Variants in ROBO1 observed in about 807,000 individuals in gnomAD.
ROBO1 encodes roundabout homolog 1.
A neutral mutation model predicts 195.9 loss-of-function variants in ROBO1; 149 were observed. That is an observed-to-expected ratio of 0.76 (90% confidence interval 0.67 to 0.87). The LOEUF (loss-of-function observed/expected upper bound fraction) is 0.87. ROBO1 is among the 40% of genes least tolerant of loss of function. The probability of loss-of-function intolerance (pLI) is 0.00; values close to 1 mark genes in which losing one functional copy is unlikely to be tolerated. For synonymous variants in ROBO1, 816 were observed against 733.2 expected, an observed-to-expected ratio of 1.11 and a Z score of -1.82; for missense variants, 1,933 against 2,068.3, an observed-to-expected ratio of 0.93 and a Z score of 1.27.
In ROBO1 at chr3:79,100,218, A is replaced by G. The variant is rs2079650297; in HGVS notation, c.172+25238T>C. On this transcript the variant is annotated intron_variant, in intron 3 of 30. Coordinates refer to ENST00000464233, the MANE Select transcript of ROBO1 (RefSeq NM_002941.4). ...TTTTTAATCTGAAAGTGATGGATAT[A>G]AATTAATGTTTATGAAATGTCTATT... Among the ~76,000 whole-genome samples the G allele has an allele frequency of 3.3e-5, 5 of 151,760 alleles. No individual in the cohort carries two copies. In the Admixed American group the frequency reaches 3.3e-4, roughly 10 times the overall value.
chr3:79,743,307 T>C (rs955253724), intron 1 of ROBO1, among the ~76,000 whole-genome samples: 2 of 152,178 alleles, frequency 1.3e-5, no homozygotes, highest in Admixed American at 1.3e-4. Context: ...TGTTACACAA[T>C]GGTATTTGTG....
chr3:78,693,309 C>T, intron 8 of ROBO1: 1 of 1,549,678 alleles, frequency 6.5e-7, no homozygotes, highest in Admixed American at 2.0e-5. Context: ...GTCACAGTGA[C>T]ACGGTGATGA....
rs1576003817 is a variant in ROBO1 at position 78,714,807 on chromosome 3, A to G, written c.918-283T>C. The G allele has an allele frequency of 1.8e-5, 5 of 277,946 alleles. No homozygotes were observed. The East Asian group carries it at 3.5e-4, about 20-fold the overall frequency. 17.2% of individuals were successfully genotyped at this position (277,946 alleles called of 1,614,324 possible). A position where few individuals can be genotyped will look rare whatever the true frequency, so the allele number is the denominator to read the frequency against. On this transcript the variant is annotated intron_variant, in intron 7 of 30. Transcript: ENST00000464233. ...CCTGTGCTCACACTAAAACAAAAAG[A>G]TAGTGACCATTAATTAAATTCTTAC... is the stretch of plus-strand genomic sequence containing the variant.
chr3:78,905,323 A>C (rs2037835443), intron 4 of ROBO1, among the ~76,000 whole-genome samples: 2 of 152,122 alleles, frequency 1.3e-5, no homozygotes. Context: ...AGAAAGAGAA[A>C]GATTATCTCC....
intron 2 of ROBO1, among the ~76,000 whole-genome samples, chr3:79,555,262 C>T (rs979451609): frequency 6.6e-6 from 1 of 152,128 alleles, no homozygotes; most frequent in Non-Finnish European, 1.5e-5. Context: ...TTGCTGCGCT[C>T]CTAATCTTAG....
At chr3:79,376,840 G>A (rs145748881) in intron 2 of ROBO1, among the ~76,000 whole-genome samples, 147 of 152,228 alleles carry the variant, frequency 9.7e-4, no homozygotes, top group African/African-American at 3.3e-3. Context: ...TCTTTGAGGA[G>A]AGCATTTGAT....
intron 1 of ROBO1, among the ~76,000 whole-genome samples, chr3:79,724,503 T>C (rs1178832328): frequency 6.6e-6 from 1 of 152,224 alleles, no homozygotes; most frequent in East Asian, 1.9e-4. Context: ...TGGAGACTTA[T>C]GTCTTGTTAA....
At chr3:78,663,286 T>C (rs1707537699) in intron 14 of ROBO1, among the ~76,000 whole-genome samples, 2 of 151,978 alleles carry the variant, frequency 1.3e-5, no homozygotes, top group Admixed American at 1.3e-4. Flanking sequence ...TGTTTGGTTG[T>C]TTTTATACTT....
chr3:78,696,490 ACT>A (rs1000859265), intron 8 of ROBO1, among the ~76,000 whole-genome samples: 28 of 151,926 alleles, frequency 1.8e-4, no homozygotes, highest in African/African-American at 6.3e-4. Context: ...ACAATATCTA[ACT>A]CTCTGTACAA....
intron 2 of ROBO1, among the ~76,000 whole-genome samples, chr3:79,551,689 C>A (rs1419065164): frequency 6.6e-6 from 1 of 152,068 alleles, no homozygotes; most frequent in East Asian, 1.9e-4. Flanking sequence ...AATGTCAGCA[C>A]AGCAAGTTCC....
intron 2 of ROBO1, among the ~76,000 whole-genome samples, chr3:79,250,883 C>T (rs548613108): frequency 1.1e-4 from 17 of 152,158 alleles, no homozygotes; most frequent in East Asian, 1.9e-4. Context: ...GGAGAAACCA[C>T]GCCTCTACTA....
At chr3:79,405,788 A>G (rs1296712442) in intron 2 of ROBO1, among the ~76,000 whole-genome samples, 1 of 152,312 alleles carries the variant, frequency 6.6e-6, no homozygotes, top group East Asian at 1.9e-4. Context: ...TACGTAAAAT[A>G]TGGTAGTTTG....
intron 10 of ROBO1, among the ~76,000 whole-genome samples, chr3:78,672,983 G>A (rs1249515630): frequency 6.6e-6 from 1 of 152,092 alleles, no homozygotes; most frequent in East Asian, 1.9e-4. Flanking sequence ...CAATACAGTA[G>A]CCAACAGCAC....
intron 14 of ROBO1, among the ~76,000 whole-genome samples, chr3:78,665,414 G>A (rs1387646709): frequency 1.3e-5 from 2 of 152,054 alleles, no homozygotes; most frequent in African/African-American, 4.8e-5. Flanking sequence ...TCCTTTTACA[G>A]CTAATTTTTT....
chr3:79,593,750 A>G (rs1444586385), intron 1 of ROBO1, among the ~76,000 whole-genome samples: 1 of 151,952 alleles, frequency 6.6e-6, no homozygotes. Context: ...AGCTGGGACA[A>G]CAGAAGTGTA....
At chr3:79,737,802 G>A (rs1335758847) in intron 1 of ROBO1, among the ~76,000 whole-genome samples, 1 of 152,174 alleles carries the variant, frequency 6.6e-6, no homozygotes, top group Non-Finnish European at 1.5e-5. Flanking sequence ...ACCAAATGAT[G>A]AATGCCATAA....
intron 3 of ROBO1, among the ~76,000 whole-genome samples, chr3:79,093,856 C>A (rs1227963375): frequency 2.0e-5 from 3 of 151,916 alleles, no homozygotes; most frequent in African/African-American, 7.2e-5. Flanking sequence ...CAGAAAAGAA[C>A]AAAGCAGAGA....
rs79925328 is a variant in ROBO1 at position 79,279,696 on chromosome 3, T to C, written c.89-154157A>G. Among the ~76,000 whole-genome samples the C allele has an allele frequency of 8.4e-4, 128 of 152,310 alleles. 1 individual carries two copies. The highest frequency in any genetic ancestry group is 3.0e-3 in the African/African-American group (123 of 41,580). ...ATATGGAATTCCATACCTTGGCTAC[T>C]GTAATTAGTGCTGCAATAAACAAGG... On this transcript the variant is annotated intron_variant, in intron 2 of 30. Transcript: ENST00000464233.
intron 10 of ROBO1, among the ~76,000 whole-genome samples, chr3:78,684,693 TAA>T (rs1375629166): frequency 6.6e-6 from 1 of 152,058 alleles, no homozygotes; most frequent in African/African-American, 2.4e-5. Context: ...CTCGATGGAT[TAA>T]AAAGATTATT....
Sources: allele counts gnomAD v4.1 joint callset (sites outside exome capture counted in the v4.1 genomes callset), GRCh38; gene constraint gnomAD v4.1.1; transcripts MANE v1.5; gene names NCBI Gene and HGNC (gene_info 2026-07-23, HGNC 2026-07-21).